The following FMN1 variants were observed in gnomAD, a reference collection of about 807,000 sequenced individuals.
FMN1 encodes the protein formin 1.
Under a neutral mutation model 132.4 loss-of-function variants are expected in FMN1, and 110 were observed. The observed-to-expected ratio is 0.83, with a 90% CI of 0.71 to 0.97. FMN1 has a LOEUF of 0.97. Among genes scored for constraint, FMN1 ranks in the 50% least tolerant of loss-of-function variants. FMN1 has a pLI of 0.00. For synonymous variants in FMN1, 722 were observed against 651.7 expected (o/e 1.11, Z -1.64); for missense variants, 1,792 against 1,705.3 (o/e 1.05, Z -0.90).
intron 6 of FMN1, among the ~76,000 whole-genome samples, chr15:33,058,547 C>T (rs1388247981): frequency 6.6e-6 from 1 of 152,198 alleles, no homozygotes. Flanking sequence ...AGCCTAGAAG[C>T]ATTTTTATTT....
At chr15:32,983,962 G>C (rs1210596916) in intron 7 of FMN1, among the ~76,000 whole-genome samples, 4 of 152,142 alleles carry the variant, frequency 2.6e-5, no homozygotes, top group African/African-American at 9.7e-5. Context: ...GCAAGGGGGT[G>C]AATGACATTT....
At chr15:32,986,802 G>T (rs949953175) in intron 7 of FMN1, among the ~76,000 whole-genome samples, 2 of 151,940 alleles carry the variant, frequency 1.3e-5, no homozygotes, top group African/African-American at 4.8e-5. Flanking sequence ...CCCCACCTTA[G>T]ATTATACTAT....
At chr15:33,098,417 C>G (rs1009077644) in intron 4 of FMN1, among the ~76,000 whole-genome samples, 3 of 152,116 alleles carry the variant, frequency 2.0e-5, no homozygotes, top group Non-Finnish European at 4.4e-5. Flanking sequence ...TCTAGGCTTC[C>G]AGAACACTTG....
At chr15:32,848,018 A>AGAG (rs2058901333) in intron 17 of FMN1, among the ~76,000 whole-genome samples, 1 of 152,192 alleles carries the variant, frequency 6.6e-6, no homozygotes, top group Admixed American at 6.5e-5. Context: ...ATCTGAGAGA[A>AGAG]GATCTTTACT....
intron 16 of FMN1, among the ~76,000 whole-genome samples, chr15:32,884,339 G>A (rs1039494732): frequency 1.4e-4 from 22 of 152,010 alleles, no homozygotes; most frequent in African/African-American, 5.3e-4. Context: ...CTTGGCTCAC[G>A]GCCCACTTCC....
intron 9 of FMN1, among the ~76,000 whole-genome samples, chr15:32,929,090 A>AC (rs1347002983): frequency 1.3e-5 from 2 of 152,200 alleles, no homozygotes; most frequent in African/African-American, 4.8e-5. Flanking sequence ...GCTGAGTGTT[A>AC]CCTTTACTGG....
At chr15:32,801,043 T>C (rs1454289458) in intron 18 of FMN1, among the ~76,000 whole-genome samples, 1 of 152,222 alleles carries the variant, frequency 6.6e-6, no homozygotes, top group Non-Finnish European at 1.5e-5. Flanking sequence ...TATAGTGAAG[T>C]CCAGTTATTG....
chr15:32,848,481 G>A (rs1212877181), intron 17 of FMN1, among the ~76,000 whole-genome samples: 1 of 152,184 alleles, frequency 6.6e-6, no homozygotes, highest in East Asian at 1.9e-4. Flanking sequence ...GCAGCCATAG[G>A]AAACAAACCA....
At chr15:33,079,589 C>G (rs1009103602) in intron 5 of FMN1, among the ~76,000 whole-genome samples, 1 of 152,254 alleles carries the variant, frequency 6.6e-6, no homozygotes, top group Non-Finnish European at 1.5e-5. Flanking sequence ...TGCCACTGCA[C>G]TCCAGCCTCG....
chr15:32,829,767 G>A (rs764108726), intron 17 of FMN1, among the ~76,000 whole-genome samples: 24 of 152,084 alleles, frequency 1.6e-4, no homozygotes, highest in African/African-American at 2.9e-4. Flanking sequence ...TCGTGAGTGA[G>A]GAAAATAGTT....
At chr15:33,117,090 T>A (rs2039957188) in intron 4 of FMN1, among the ~76,000 whole-genome samples, 1 of 152,072 alleles carries the variant, frequency 6.6e-6, no homozygotes, top group African/African-American at 2.4e-5. Flanking sequence ...AAAGTTAGCC[T>A]CAGATCCAGG....
At chr15:33,123,504 A>C (rs1290373317) in intron 4 of FMN1, among the ~76,000 whole-genome samples, 4 of 152,230 alleles carry the variant, frequency 2.6e-5, no homozygotes, top group Non-Finnish European at 4.4e-5. Context: ...TAAGTAATAA[A>C]TATGTCCTCA....
At chr15:33,085,756 G>C (rs1354698221) in intron 5 of FMN1, among the ~76,000 whole-genome samples, 1 of 151,956 alleles carries the variant, frequency 6.6e-6, no homozygotes, top group Non-Finnish European at 1.5e-5. Flanking sequence ...AAGGGTATAG[G>C]AAAAATTGTA....
At chr15:33,110,197 T>C (rs1011718258) in intron 4 of FMN1, among the ~76,000 whole-genome samples, 2 of 152,076 alleles carry the variant, frequency 1.3e-5, no homozygotes, top group Non-Finnish European at 2.9e-5. Flanking sequence ...ACCTGTCAGA[T>C]TATTAGGACA....
chr15:32,999,847 A>C (rs1156569022), intron 7 of FMN1, among the ~76,000 whole-genome samples: 1 of 152,226 alleles, frequency 6.6e-6, no homozygotes, highest in East Asian at 1.9e-4. Context: ...CAAGCCAGAC[A>C]AAGGGCATGT....
chr15:33,042,941 A>T lies in FMN1; in HGVS notation c.2161+22016T>A, dbSNP rs901629600. 6.0e-4 allele frequency among the ~76,000 whole-genome samples: 92 copies of T among 152,146 alleles called. 1 individual carries two copies. Among genetic ancestry groups the T allele is most frequent in the African/African-American group, 2.2e-3 (91 of 41,450 alleles). ...ATAACACACTGCTACCCCTTAACAT[A>T]TCCTTATCCATAACACAAAAACAAA... On this transcript the variant is annotated intron_variant, in intron 6 of 20. Coordinates refer to ENST00000616417, the MANE Select transcript of FMN1 (RefSeq NM_001277313.2).
chr15:33,060,425 A>C (rs772739800), intron 6 of FMN1, among the ~76,000 whole-genome samples: 1 of 152,244 alleles, frequency 6.6e-6, no homozygotes, highest in Non-Finnish European at 1.5e-5. Flanking sequence ...TAATGACGTA[A>C]ATTAAAATGA....
rs527483942 is a variant in FMN1, at chr15:32,859,978, C to T, written c.3836-2871G>A. 2.0e-5 allele frequency among the ~76,000 whole-genome samples: 3 copies of T among 152,034 alleles called. 1 individual carries two copies. The highest frequency in any genetic ancestry group is 7.2e-5 in the African/African-American group (3 of 41,452). On this transcript the variant is annotated intron_variant, in intron 16 of 20. Transcript: ENST00000616417. ...TTTTCTGCCCAGGAGTTCGAGGCTG[C>T]AGTGTCATACCATTGTACTCTGGCC...
chr15:32,944,690 C>G (rs533517372), intron 9 of FMN1, among the ~76,000 whole-genome samples: 123 of 152,060 alleles, frequency 8.1e-4, no homozygotes, highest in African/African-American at 2.8e-3. Context: ...ACAGAAAAAC[C>G]CTTTTCTTGT....
Sources: gnomAD v4.1 joint callset for allele counts (sites outside exome capture counted in the v4.1 genomes callset) on GRCh38, gnomAD v4.1.1 for gene constraint, MANE v1.5 for transcripts, NCBI Gene and HGNC (gene_info 2026-07-23, HGNC 2026-07-21) for gene names.